CCDC3: variants seen among roughly 807,000 people sequenced by gnomAD.
CCDC3 encodes coiled-coil domain containing 3.
CCDC3 carries 24 observed loss-of-function variants against 21.4 expected under a neutral mutation model. That is an observed-to-expected ratio of 1.12 (90% CI 0.81 to 1.58). The LOEUF (loss-of-function observed/expected upper bound fraction) is 1.58. CCDC3 is among the 40% of genes most tolerant of loss of function. The probability of loss-of-function intolerance (pLI) is 0.00; values close to 1 mark genes in which losing one functional copy is unlikely to be tolerated. For synonymous variants in CCDC3, 186 were observed against 166.0 expected (o/e 1.12, Z -0.93); for missense variants, 425 against 360.9 (o/e 1.18, Z -1.44).
At chr10:12,965,640 T>C (rs1257695920) in intron 2 of CCDC3, among the ~76,000 whole-genome samples, 2 of 152,256 alleles carry the variant, frequency 1.3e-5, no homozygotes, top group African/African-American at 4.8e-5. Context: ...AGTACATCTT[T>C]AAAAACCAAG....
At chr10:13,082,610 A>G (rs1302592363) in intron 3 of CCDC3, among the ~76,000 whole-genome samples, 1 of 152,136 alleles carries the variant, frequency 6.6e-6, no homozygotes, top group East Asian at 1.9e-4. Flanking sequence ...CCGGTTTGCT[A>G]AGTAACGGGT....
At chr10:12,955,555 ATTT>A (rs200897542) in intron 2 of CCDC3, among the ~76,000 whole-genome samples, 7 of 151,160 alleles carry the variant, frequency 4.6e-5, no homozygotes, top group Admixed American at 6.6e-5. Context: ...GTAACTTCAT[ATTT>A]TTTTTTCTTT....
chr10:13,034,702 A>AAAACAAAAACAAAC (rs1261747010), intron 5 of CCDC3, among the ~76,000 whole-genome samples: 15 of 151,198 alleles, frequency 9.9e-5, no homozygotes, highest in African/African-American at 3.6e-4. Context: ...CTCACTGTAA[A>AAAACAAAAACAAAC]AAACAAACAA....
chr10:12,925,272 C>G (rs1397957536), intron 2 of CCDC3, among the ~76,000 whole-genome samples: 28 of 152,132 alleles, frequency 1.8e-4, no homozygotes, highest in Admixed American at 1.8e-3. Context: ...AGTGGGAGAG[C>G]TGTTAAGGTC....
intron 3 of CCDC3, among the ~76,000 whole-genome samples, chr10:13,074,279 T>G (rs1836929613): frequency 6.9e-6 from 1 of 145,514 alleles, no homozygotes; most frequent in African/African-American, 2.5e-5. Flanking sequence ...TGCCTCAGCC[T>G]CCCGAGTAGC....
intron 5 of CCDC3, among the ~76,000 whole-genome samples, chr10:13,034,260 C>T (rs1347976925): frequency 1.4e-5 from 2 of 144,392 alleles, no homozygotes; most frequent in Non-Finnish European, 3.0e-5. Context: ...CCAAACACTG[C>T]ATGTTCTCAC....
Position 13,001,192 on chromosome 10 carries a change from C to A in CCDC3, c.374+5G>T. 1 of 1,548,008 alleles carries A rather than the reference C, an allele frequency of 6.5e-7. No homozygotes were observed. The highest frequency in any genetic ancestry group is 8.7e-7 in the Non-Finnish European group (1 of 1,145,802). ...GAGAGGTGGCGGCGGCGCCGCCGGG[C>A]TCACCTGAGGAAGAAGAAATAGGAG... On this transcript the variant is annotated splice_donor_5th_base_variant and intron_variant, in intron 1 of 2. Transcript: ENST00000378825.
intron 2 of CCDC3, among the ~76,000 whole-genome samples, chr10:12,972,570 C>T (rs1409866074): frequency 1.3e-5 from 2 of 152,188 alleles, no homozygotes; most frequent in Non-Finnish European, 2.9e-5. Context: ...AATACCAGCA[C>T]TTTGGGAGGC....
intron 3 of CCDC3, among the ~76,000 whole-genome samples, chr10:13,078,716 T>C (rs1335077626): frequency 6.6e-6 from 1 of 152,122 alleles, no homozygotes; most frequent in Non-Finnish European, 1.5e-5. Context: ...TGTAGGGACA[T>C]GGATGAAGCT....
intron 2 of CCDC3, among the ~76,000 whole-genome samples, chr10:12,961,456 C>T (rs1430614595): frequency 2.0e-5 from 3 of 152,178 alleles, no homozygotes; most frequent in East Asian, 3.9e-4. Flanking sequence ...AAAAAATCTT[C>T]CATCGGTCTA....
chr10:12,948,824 C>A (rs955048096), intron 2 of CCDC3, among the ~76,000 whole-genome samples: 1 of 147,158 alleles, frequency 6.8e-6, no homozygotes, highest in South Asian at 2.2e-4. Flanking sequence ...CTCCACCTCC[C>A]GGGTTCACGC....
intron 2 of CCDC3, among the ~76,000 whole-genome samples, chr10:12,961,550 C>G (rs911392998): frequency 1.3e-5 from 2 of 152,156 alleles, no homozygotes; most frequent in African/African-American, 4.8e-5. Context: ...TTGGCATAAA[C>G]AATTTTCCCC....
chr10:12,938,883 G>T (rs1232694995), intron 2 of CCDC3, among the ~76,000 whole-genome samples: 1 of 152,124 alleles, frequency 6.6e-6, no homozygotes, highest in African/African-American at 2.4e-5. Flanking sequence ...ATGAATCAAG[G>T]ATCCATAACC....
At chr10:13,039,076 T>C (rs1480960933) in intron 5 of CCDC3, among the ~76,000 whole-genome samples, 1 of 152,140 alleles carries the variant, frequency 6.6e-6, no homozygotes, top group Non-Finnish European at 1.5e-5. Flanking sequence ...TCAGTTCAAA[T>C]AAGCAAGCAC....
intron 2 of CCDC3, among the ~76,000 whole-genome samples, chr10:12,933,640 T>A (rs1834688199): frequency 6.6e-6 from 1 of 152,052 alleles, no homozygotes; most frequent in Non-Finnish European, 1.5e-5. Flanking sequence ...GTGTTTTTAG[T>A]AGAGATGGGG....
chr10:13,012,049 A>C (rs981926815), intron 5 of CCDC3, among the ~76,000 whole-genome samples: 1 of 152,228 alleles, frequency 6.6e-6, no homozygotes, highest in South Asian at 2.1e-4. Context: ...AAATCAACTC[A>C]AGATGGATTA....
chr10:12,944,316 G>A (rs894913629), intron 2 of CCDC3, among the ~76,000 whole-genome samples: 32 of 152,104 alleles, frequency 2.1e-4, no homozygotes, highest in Admixed American at 5.2e-4. Context: ...CTTCATCTAC[G>A]TGACAAGAAC....
intron 2 of CCDC3, among the ~76,000 whole-genome samples, chr10:12,940,089 T>TC (rs923580658): frequency 2.0e-5 from 3 of 152,346 alleles, no homozygotes; most frequent in South Asian, 2.1e-4. Flanking sequence ...CTGTTTTTTT[T>TC]CTGAGAAAGT....
intron 2 of CCDC3, among the ~76,000 whole-genome samples, chr10:12,957,460 T>C (rs1835106981): frequency 6.6e-6 from 1 of 152,218 alleles, no homozygotes; most frequent in African/African-American, 2.4e-5. Context: ...TAAAACAAAA[T>C]GAAACAAAGA....
Sources: gnomAD v4.1 joint callset for allele counts (sites outside exome capture counted in the v4.1 genomes callset) on GRCh38, gnomAD v4.1.1 for gene constraint, MANE v1.5 for transcripts, NCBI Gene and HGNC (gene_info 2026-07-23, HGNC 2026-07-21) for gene names.